Variants in RTTN observed in about 807,000 individuals in gnomAD.
The protein encoded by RTTN is rotatin.
Under a neutral mutation model 269.2 loss-of-function variants are expected in RTTN, and 182 were observed. The observed-to-expected ratio is 0.68, with a 90% CI of 0.60 to 0.76. The LOEUF is 0.76. RTTN is among the 30% of genes least tolerant of loss of function. RTTN has a pLI of 0.00. For missense variants in RTTN, 2,545 were observed against 2,608.6 expected (o/e 0.98, Z 0.53); for synonymous variants, 1,006 against 963.5 (o/e 1.04, Z -0.82).
intron 30 of RTTN, among the ~76,000 whole-genome samples, chr18:70,091,028 T>C (rs2058830935): frequency 1.3e-5 from 2 of 152,238 alleles, no homozygotes; most frequent in African/African-American, 4.8e-5. Flanking sequence ...CATCATCTTT[T>C]GGAAGCATAT....
At chr18:70,081,877 T>C (rs2058578312) in intron 32 of RTTN, among the ~76,000 whole-genome samples, 1 of 152,034 alleles carries the variant, frequency 6.6e-6, no homozygotes, top group African/African-American at 2.4e-5. Context: ...TAAGAGGATA[T>C]CCTTATTTTT....
At chr18:70,068,640 G>A (rs1431875812) in intron 34 of RTTN, among the ~76,000 whole-genome samples, 1 of 152,294 alleles carries the variant, frequency 6.6e-6, no homozygotes, top group South Asian at 2.1e-4. Context: ...GAAGTCATCC[G>A]TTCCTGTCAA....
At chr18:70,092,349 A>G (rs368967830) in intron 29 of RTTN, 129 bp from the exon 30 acceptor site, 2 of 684,426 alleles carry the variant, frequency 2.9e-6, no homozygotes, top group African/African-American at 1.8e-5. Flanking sequence ...TTAATCCATT[A>G]TTCAGCCAAA....
intron 16 of RTTN, 31 bp from the exon 17 acceptor site, chr18:70,149,068 T>C (rs746208792): frequency 6.3e-7 from 1 of 1,596,378 alleles, no homozygotes; most frequent in Non-Finnish European, 8.6e-7. Flanking sequence ...GAGAAATTAT[T>C]GTCTAATTGT....
chr18:70,173,760 T>C (rs1399237750), intron 11 of RTTN, among the ~76,000 whole-genome samples: 1 of 152,162 alleles, frequency 6.6e-6, no homozygotes, highest in African/African-American at 2.4e-5. Flanking sequence ...CGTTTAAAAA[T>C]ACAGTCAGTA....
intron 48 of RTTN, among the ~76,000 whole-genome samples, chr18:70,004,933 T>G (rs2056136497): frequency 6.6e-6 from 1 of 152,204 alleles, no homozygotes; most frequent in Non-Finnish European, 1.5e-5. Context: ...AAGAACATAC[T>G]TCAGCACAGT....
intron 10 of RTTN, among the ~76,000 whole-genome samples, chr18:70,179,333 T>C (rs957743860): frequency 5.3e-5 from 8 of 152,216 alleles, no homozygotes; most frequent in Admixed American, 5.2e-4. Flanking sequence ...TTCAAGTCTA[T>C]TTACTTGTGA....
At chr18:70,009,466 T>TTCA (rs1240037946) in intron 46 of RTTN, among the ~76,000 whole-genome samples, 1 of 152,140 alleles carries the variant, frequency 6.6e-6, no homozygotes, top group African/African-American at 2.4e-5. Flanking sequence ...CAGAAATTCA[T>TTCA]ATCCAGCCAT....
intron 14 of RTTN, among the ~76,000 whole-genome samples, chr18:70,160,578 A>C (rs973067929): frequency 6.6e-6 from 1 of 151,898 alleles, no homozygotes; most frequent in Non-Finnish European, 1.5e-5. Flanking sequence ...TAGCCAGATC[A>C]ATCAGGCAAG....
chr18:70,088,164 G>A lies in RTTN; in HGVS notation c.4144-17C>T, dbSNP rs754085076. 1.9e-6 allele frequency: 3 copies of A among 1,586,706 alleles called. No homozygotes were observed. Among genetic ancestry groups the A allele is most frequent in the East Asian group, 2.3e-5 (1 of 44,442 alleles). ...GAATCTCACCTGTTCAAATTAAAGAGAAAGTTGTTGAATCAAATAAGCCTT... is the reference window on the plus strand; with the variant it reads ...GAATCTCACCTGTTCAAATTAAAGAAAAAGTTGTTGAATCAAATAAGCCTT... On this transcript the variant is annotated splice_polypyrimidine_tract_variant and intron_variant, in intron 30 of 48. Coordinates refer to ENST00000640769, the MANE Select transcript of RTTN (RefSeq NM_173630.4).
At chr18:70,173,580 A>C (rs1476411475) in intron 11 of RTTN, among the ~76,000 whole-genome samples, 4 of 152,168 alleles carry the variant, frequency 2.6e-5, no homozygotes, top group Non-Finnish European at 5.9e-5. Flanking sequence ...TTAATAACTA[A>C]GGGCAACAAA....
intron 40 of RTTN, among the ~76,000 whole-genome samples, chr18:70,034,010 G>A (rs2057096894): frequency 6.6e-6 from 1 of 152,080 alleles, no homozygotes; most frequent in Non-Finnish European, 1.5e-5. Context: ...GAACCAGGAA[G>A]AAACTGAATC....
intron 39 of RTTN, among the ~76,000 whole-genome samples, chr18:70,050,320 A>G (rs2057624191): frequency 6.6e-6 from 1 of 152,246 alleles, no homozygotes. Context: ...AACATGAAAA[A>G]AAACCCATCA....
At chr18:70,074,340 T>C (rs2058374698) in intron 33 of RTTN, among the ~76,000 whole-genome samples, 1 of 152,076 alleles carries the variant, frequency 6.6e-6, no homozygotes. Context: ...AAGTAACTGA[T>C]CCAGAGAAAT....
intron 14 of RTTN, among the ~76,000 whole-genome samples, chr18:70,154,463 G>T (rs1004480853): frequency 6.6e-6 from 1 of 151,992 alleles, no homozygotes; most frequent in African/African-American, 2.4e-5. Flanking sequence ...AAATTTCGGG[G>T]TATAATAACT....
At chr18:70,172,502 T>C (rs1445557998) in intron 11 of RTTN, among the ~76,000 whole-genome samples, 1 of 152,230 alleles carries the variant, frequency 6.6e-6, no homozygotes, top group East Asian at 1.9e-4. Flanking sequence ...TGTTTAGATC[T>C]CATTTTAAAG....
chr18:70,114,623 A>G, intron 26 of RTTN, 24 bp from the exon 27 acceptor site: 1 of 1,601,478 alleles, frequency 6.2e-7, no homozygotes, highest in Non-Finnish European at 8.5e-7. Flanking sequence ...TTTGTAAAAA[A>G]TGTATTTACT....
In RTTN at chr18:70,046,910, G is replaced by A. The variant is rs141623577; in HGVS notation, c.5541+1061C>T. 3.0e-3 allele frequency among the ~76,000 whole-genome samples: 463 copies of A among 152,304 alleles called. 3 individuals carry two copies. The highest frequency in any genetic ancestry group is 3.0e-3 in the Non-Finnish European group (206 of 68,028). ...TGACACTCTCCACAGGACAGCTCCTGGGTGAACCAGGAAGCATTTTCTTCT... is the reference window on the plus strand; with the variant it reads ...TGACACTCTCCACAGGACAGCTCCTAGGTGAACCAGGAAGCATTTTCTTCT... On this transcript the variant is annotated intron_variant, in intron 40 of 48. Transcript: ENST00000640769.
intron 26 of RTTN, among the ~76,000 whole-genome samples, chr18:70,116,066 T>C (rs2059596398): frequency 6.6e-6 from 1 of 152,014 alleles, no homozygotes; most frequent in African/African-American, 2.4e-5. Context: ...AACTTTTATG[T>C]TTCATACATG....
Sources: gnomAD v4.1 joint callset for allele counts (sites outside exome capture counted in the v4.1 genomes callset) on GRCh38, gnomAD v4.1.1 for gene constraint, MANE v1.5 for transcripts, NCBI Gene and HGNC (gene_info 2026-07-23, HGNC 2026-07-21) for gene names.